CDC42BPA: variants seen among roughly 807,000 people sequenced by gnomAD.
CDC42BPA encodes CDC42 binding protein kinase alpha, also known as serine/threonine-protein kinase MRCK alpha.
A neutral mutation model predicts 223.5 loss-of-function variants in CDC42BPA; 80 were observed. The observed-to-expected ratio is 0.36, with a 90% CI of 0.30 to 0.43. CDC42BPA has a LOEUF of 0.43. Ranked by LOEUF, CDC42BPA falls within the 20% of genes least tolerant of loss-of-function variation. CDC42BPA has a pLI of 1.00. For synonymous variants in CDC42BPA, 694 were observed against 718.6 expected (o/e 0.97, Z 0.55); for missense variants, 1,743 against 2,099.9 (o/e 0.83, Z 3.32).
chr1:227,135,621 G>GA (rs1457630686), intron 10 of CDC42BPA, among the ~76,000 whole-genome samples: 1 of 152,070 alleles, frequency 6.6e-6, no homozygotes, highest in African/African-American at 2.4e-5. Context: ...TAGGGAGGCT[G>GA]AGACGGGCGG....
chr1:227,123,028 C>T (rs548651024), intron 11 of CDC42BPA, among the ~76,000 whole-genome samples: 1 of 152,300 alleles, frequency 6.6e-6, no homozygotes, highest in South Asian at 2.1e-4. Flanking sequence ...CTAGGCCGGG[C>T]ACCATGGTTC....
At chr1:227,194,631 TC>T (rs1156671398) in intron 4 of CDC42BPA, among the ~76,000 whole-genome samples, 1 of 152,236 alleles carries the variant, frequency 6.6e-6, no homozygotes, top group Non-Finnish European at 1.5e-5. Flanking sequence ...TCACTGAGAT[TC>T]TGTAGGTTGT....
In CDC42BPA at chr1:227,015,689, G is replaced by GAA. The variant is rs61010035; in HGVS notation, c.4857+389_4857+390dup. Reference sequence around the variant, plus strand: ...GCTAATGTGGTTCTCTGGGAAGAAGGAAAAAAAAAGAGTAGGCCAAATATC... The same window carrying GAA: ...GCTAATGTGGTTCTCTGGGAAGAAGGAAAAAAAAAAAGAGTAGGCCAAATATC... On this transcript the variant is annotated intron_variant, in intron 34 of 36. Transcript: ENST00000366766. Among the ~76,000 whole-genome samples the GAA allele has an allele frequency of 5.2e-4, 78 of 150,544 alleles. 1 individual carries two copies. Among genetic ancestry groups the GAA allele is most frequent in the Admixed American group, 4.9e-3 (75 of 15,152 alleles).
chr1:227,094,706 G>C (rs1250559764), intron 15 of CDC42BPA, among the ~76,000 whole-genome samples: 1 of 152,198 alleles, frequency 6.6e-6, no homozygotes, highest in East Asian at 1.9e-4. Flanking sequence ...TACTCATCTA[G>C]GATTTGTGGT....
At position 227,280,911 on chromosome 1, in the gene CDC42BPA, C is replaced by T. The variant is rs117052708; in HGVS notation, c.179-26756G>A. Among the ~76,000 whole-genome samples, 388 of 152,284 alleles carry T rather than the reference C, an allele frequency of 2.5e-3. 9 individuals carry two copies. The East Asian group carries it at 0.047, about 19-fold the overall frequency. Reference sequence around the variant, plus strand: ...CAAGCCAGGGATCCCAGCACAACAGCTCAGGGGGTCAGAACTGCCTCTCAG... The same window carrying T: ...CAAGCCAGGGATCCCAGCACAACAGTTCAGGGGGTCAGAACTGCCTCTCAG... On this transcript the variant is annotated intron_variant, in intron 1 of 36. Transcript: ENST00000366766.
chr1:227,317,387 A>C lies in CDC42BPA; in HGVS notation c.-205T>G, dbSNP rs12128753. 41,107 of 465,766 alleles carry C rather than the reference A, an allele frequency of 0.088. 1,924 individuals carry two copies. The highest frequency in any genetic ancestry group is 0.12 in the Admixed American group (2,956 of 25,402). The allele number at this position is 465,766 out of a possible 1,614,324, so 28.9% of individuals were successfully genotyped here. A position where few individuals can be genotyped will look rare whatever the true frequency, so the allele number is the denominator to read the frequency against. ...CGTCTTCAATTTCACCCATATACAT[A>C]TATTTTGAGGGTAAATTACCATAAA... On this transcript the variant is annotated 5_prime_UTR_variant, in exon 1 of 37. Transcript: ENST00000366766.
rs1209893422 is a variant in CDC42BPA at position 227,030,559 on chromosome 1, A to C, written c.3776-89T>G. 5 of 747,180 alleles carry C rather than the reference A, an allele frequency of 6.7e-6. 1 individual carries two copies. In the South Asian group the frequency reaches 7.0e-5, roughly 10 times the overall value. The allele number at this position is 747,180 out of a possible 1,614,324, so 46.3% of individuals were successfully genotyped here. A position where few individuals can be genotyped will look rare whatever the true frequency, so the allele number is the denominator to read the frequency against. Reference sequence around the variant, plus strand: ...AGATGATAAGAACATTTGGTGCAAAAAATGGAAATAAAATGAATTACAATA... The same window carrying C: ...AGATGATAAGAACATTTGGTGCAAACAATGGAAATAAAATGAATTACAATA... On this transcript the variant is annotated intron_variant, in intron 28 of 36. Coordinates refer to ENST00000366766, the MANE Select transcript of CDC42BPA (RefSeq NM_001394014.1).
At chr1:227,256,371 G>A (rs759633219) in intron 1 of CDC42BPA, among the ~76,000 whole-genome samples, 3 of 152,084 alleles carry the variant, frequency 2.0e-5, no homozygotes, top group South Asian at 2.1e-4. Context: ...TAATGCACGC[G>A]GGGCTTAAAA....
chr1:227,316,195 A>AAGG (rs1188753479), intron 1 of CDC42BPA, among the ~76,000 whole-genome samples: 1 of 152,322 alleles, frequency 6.6e-6, no homozygotes, highest in East Asian at 1.9e-4. Context: ...TCTGGACCTT[A>AAGG]GAATGTGCCC....
intron 3 of CDC42BPA, among the ~76,000 whole-genome samples, chr1:227,210,347 G>C (rs1303495104): frequency 6.6e-6 from 1 of 151,998 alleles, no homozygotes; most frequent in African/African-American, 2.4e-5. Flanking sequence ...CTCCAAAATG[G>C]GTCTTATACC....
intron 5 of CDC42BPA, among the ~76,000 whole-genome samples, chr1:227,177,935 A>T (rs1231602380): frequency 6.7e-6 from 1 of 149,252 alleles, no homozygotes; most frequent in African/African-American, 2.4e-5. Flanking sequence ...TCTCAAAGAC[A>T]TTTAATTTTT....
intron 34 of CDC42BPA, 121 bp from the exon 35 acceptor site, chr1:227,005,232 G>A (rs1455527924): frequency 1.4e-5 from 10 of 702,170 alleles, no homozygotes; most frequent in Non-Finnish European, 2.5e-5. Context: ...ATGACACAGA[G>A]TAAGGAATGG....
chr1:227,109,536 T>G (rs1686546552), intron 14 of CDC42BPA, among the ~76,000 whole-genome samples: 1 of 152,026 alleles, frequency 6.6e-6, no homozygotes, highest in Non-Finnish European at 1.5e-5. Flanking sequence ...CAGCTAATTT[T>G]TGTATTTTTA....
intron 5 of CDC42BPA, among the ~76,000 whole-genome samples, chr1:227,190,596 T>C (rs1669548934): frequency 6.6e-6 from 1 of 152,222 alleles, no homozygotes; most frequent in Admixed American, 6.5e-5. Flanking sequence ...TTAAGTTTTA[T>C]TTCTATCTTA....
intron 16 of CDC42BPA, 27 bp from the exon 17 acceptor site, chr1:227,081,044 G>T: frequency 6.2e-7 from 1 of 1,609,632 alleles, no homozygotes; most frequent in South Asian, 1.1e-5. Flanking sequence ...AGACATGCAT[G>T]ACTTTTAGGA....
At chr1:227,310,598 A>G (rs1693336548) in intron 1 of CDC42BPA, among the ~76,000 whole-genome samples, 1 of 152,296 alleles carries the variant, frequency 6.6e-6, no homozygotes, top group Non-Finnish European at 1.5e-5. Context: ...TGTAGAAGCT[A>G]GCTAGAAAGA....
rs899807922 is a variant in CDC42BPA, at chr1:227,090,204, T to C, written c.2355+1682A>G. ...GATGTGAACAGTATTCTTTCTCAAG[T>C]AGTTTTCAACTAGTCATTTTTTAAA... On this transcript the variant is annotated intron_variant, in intron 16 of 36. Transcript: ENST00000366766. Among the ~76,000 whole-genome samples, 34 of 152,342 alleles carry C rather than the reference T, an allele frequency of 2.2e-4. No homozygotes were observed. In the Middle Eastern group the frequency reaches 0.01, roughly 46 times the overall value.
intron 21 of CDC42BPA, among the ~76,000 whole-genome samples, chr1:227,066,694 G>C (rs1461160691): frequency 6.6e-6 from 1 of 152,090 alleles, no homozygotes; most frequent in Non-Finnish European, 1.5e-5. Flanking sequence ...AAGTGAAACT[G>C]AACTGATGGA....
Position 227,213,463 on chromosome 1 carries a change from G to C in CDC42BPA, c.271-244C>G, listed in dbSNP as rs1023234691. On this transcript the variant is annotated intron_variant, in intron 2 of 36. Coordinates refer to ENST00000366766, the MANE Select transcript of CDC42BPA (RefSeq NM_001394014.1). ...GTATTTGTGAACGCTGTATTAGTTG[G>C]TATTTTTGAACACTGTATTAGTTGG... 2.6e-5 allele frequency among the ~76,000 whole-genome samples: 4 copies of C among 152,086 alleles called. No individual in the cohort carries two copies. The South Asian group carries it at 8.3e-4, about 32-fold the overall frequency.
Sources: allele counts gnomAD v4.1 joint callset (sites outside exome capture counted in the v4.1 genomes callset), GRCh38; gene constraint gnomAD v4.1.1; transcripts MANE v1.5; gene names NCBI Gene and HGNC (gene_info 2026-07-23, HGNC 2026-07-21).